ZNF497: variants seen among roughly 807,000 people sequenced by gnomAD.
The protein encoded by ZNF497 is zinc finger protein 497.
For synonymous variants in ZNF497, 422 were observed against 313.7 expected (o/e 1.35, Z -3.65); for missense variants, 930 against 714.0 (o/e 1.30, Z -3.45).
chr19:58,356,188 C>A lies in ZNF497; in HGVS notation c.1448G>T (p.Cys483Phe). The A allele has an allele frequency of 6.3e-7, 1 of 1,593,532 alleles. No homozygotes were observed. Residue 483 changes from cysteine to phenylalanine, a missense_variant, in exon 3 of 3, where the codon TGC (cysteine) becomes TTC (phenylalanine). Transcript: ENST00000311044. ...GECGKPFSHR[C>F]NLNEHQKRHG... is the part of the protein sequence containing the mutation. ...CCGCTTCTGGTGCTCGTTGAGGTTGCAACGGTGGCTGAAAGGCTTCCCGCA... is the reference window on the plus strand; with the variant it reads ...CCGCTTCTGGTGCTCGTTGAGGTTGAAACGGTGGCTGAAAGGCTTCCCGCA...
At chr19:58,360,767 CTTTTTTTTTTT>C (rs551580074) in intron 1 of ZNF497, among the ~76,000 whole-genome samples, 49 of 34,518 alleles carry the variant, frequency 1.4e-3, no homozygotes, top group African/African-American at 3.3e-3. Context: ...GTCCCGAACT[CTTTTTTTTTTT>C]TTTTTTTTTT....
rs754184563 is a variant in ZNF497 at position 58,356,605 on chromosome 19, T to C, written c.1031A>G (p.Tyr344Cys). ...ECGQAFVMGS[Y>C]LAEHRRVHTG... ...GTGCACGCGCCGGTGCTCCGCCAGG[T>C]AGGAGCCCATGACGAAAGCCTGGCC... The change falls in exon 3 of 3, where the codon TAC (tyrosine) becomes TGC (cysteine). Residue 344 changes from tyrosine to cysteine, a missense_variant. Coordinates refer to ENST00000311044, the MANE Select transcript of ZNF497 (RefSeq NM_198458.3). 6.6e-5 allele frequency: 102 copies of C among 1,543,206 alleles called. No homozygotes were observed. Among genetic ancestry groups the C allele is most frequent in the Non-Finnish European group, 8.7e-5 (100 of 1,149,942 alleles).
chr19:58,362,176 C>T (rs560296980), intron 1 of ZNF497, among the ~76,000 whole-genome samples: 7 of 152,334 alleles, frequency 4.6e-5, no homozygotes, highest in Admixed American at 6.5e-5. Context: ...TGTGTCTCCC[C>T]CACAACCCCC....
Position 58,357,669 on chromosome 19 carries a change from G to C in ZNF497, c.-14-20C>G. The C allele has an allele frequency of 3.3e-6, 5 of 1,511,122 alleles. No individual in the cohort carries two copies. The highest frequency in any genetic ancestry group is 3.5e-6 in the Non-Finnish European group (4 of 1,131,674). 93.6% of individuals were successfully genotyped at this position (1,511,122 alleles called of 1,614,324 possible). Reference sequence around the variant, plus strand: ...TGTGACCTAAAACAGGAGAGAAAAGGCAAGTACCTTAGAGAATACAAAGAA... The same window carrying C: ...TGTGACCTAAAACAGGAGAGAAAAGCCAAGTACCTTAGAGAATACAAAGAA... On this transcript the variant is annotated intron_variant, in intron 2 of 2. Coordinates refer to ENST00000311044, the MANE Select transcript of ZNF497 (RefSeq NM_198458.3).
In ZNF497 at chr19:58,356,629, C is replaced by CCGCACTCGG. The variant is rs754067560; in HGVS notation, c.998_1006dup (p.Ala333_Cys335dup). On this transcript the variant is annotated inframe_insertion, in exon 3 of 3. Coordinates refer to ENST00000311044, the MANE Select transcript of ZNF497 (RefSeq NM_198458.3). ...GTAGGAGCCCATGACGAAAGCCTGG[C>CCGCACTCGG]CGCACTCGGCGCACTCGAAGGGCCG... The CCGCACTCGG allele has an allele frequency of 6.5e-7, 1 of 1,545,908 alleles. No individual in the cohort carries two copies. Among genetic ancestry groups the CCGCACTCGG allele is most frequent in the East Asian group, 2.4e-5 (1 of 41,288 alleles).
Position 58,356,256 on chromosome 19 carries a change from G to A in ZNF497, c.1380C>T (p.His460=), listed in dbSNP as rs375183847. The A allele has an allele frequency of 6.2e-6, 10 of 1,605,260 alleles. No individual in the cohort carries two copies. The East Asian group carries it at 9.0e-5, about 14-fold the overall frequency. Residue 460 remains histidine, a synonymous_variant, in exon 3 of 3, where the codon CAC becomes CAT. Coordinates refer to ENST00000311044, the MANE Select transcript of ZNF497 (RefSeq NM_198458.3). ...AFVRKSELLS[H]RRTHTGERPY... is the part of the protein sequence containing the mutation. ...GCCTCTCGCCCGTGTGCGTGCGCCGGTGGCTTAAGAGCTCCGACTTGCGCA... is the reference window on the plus strand; with the variant it reads ...GCCTCTCGCCCGTGTGCGTGCGCCGATGGCTTAAGAGCTCCGACTTGCGCA...
Position 58,356,018 on chromosome 19 carries a change from T to TC in ZNF497, c.*120dup, listed in dbSNP as rs1290984568. 14 of 1,200,266 alleles carry TC rather than the reference T, an allele frequency of 1.2e-5. No individual in the cohort carries two copies. Among genetic ancestry groups the TC allele is most frequent in the Non-Finnish European group, 1.6e-5 (14 of 890,756 alleles). The allele number at this position is 1,200,266 out of a possible 1,614,324, so 74.4% of individuals were successfully genotyped here. On this transcript the variant is annotated 3_prime_UTR_variant, in exon 3 of 3. Coordinates refer to ENST00000311044, the MANE Select transcript of ZNF497 (RefSeq NM_198458.3). ...TCCACACCCAAGGCCGCCCCTGCAC[T>TC]CCCAGCAGGAGGGCGCCCGCACCGG...
intron 2 of ZNF497, chr19:58,358,051 A>G (rs2052048457): frequency 1.6e-6 from 2 of 1,220,130 alleles, no homozygotes; most frequent in East Asian, 5.5e-5. Context: ...GAGGAACACG[A>G]TGGACCCGTC....
At chr19:58,357,845 T>C in intron 2 of ZNF497, 196 bp from the exon 3 acceptor site, 1 of 1,281,492 alleles carries the variant, frequency 7.8e-7, no homozygotes, top group Admixed American at 3.2e-5. Context: ...GGGCCAGCAC[T>C]CTGGGCCTGC....
chr19:58,361,998 G>A (rs1209344400), intron 1 of ZNF497, among the ~76,000 whole-genome samples: 1 of 152,116 alleles, frequency 6.6e-6, no homozygotes, highest in Non-Finnish European at 1.5e-5. Flanking sequence ...GGTCCTTCCT[G>A]TCGGCCTCAC....
rs1402391828 is a variant in ZNF497, at chr19:58,356,598, C to CAGGAAATTGGAGTTCCAGCTGAA, written c.1037_1038insTTCAGCTGGAACTCCAATTTCCT (p.Glu347SerfsTer36). ...CGCCCGTGTGCACGCGCCGGTGCTC[C>CAGGAAATTGGAGTTCCAGCTGAA]GCCAGGTAGGAGCCCATGACGAAAG... On this transcript the variant is annotated frameshift_variant, in exon 3 of 3. Transcript: ENST00000311044. LOFTEE classifies it low-confidence loss of function (END_TRUNC). The CAGGAAATTGGAGTTCCAGCTGAA allele has an allele frequency of 1.3e-6, 2 of 1,545,464 alleles. No homozygotes were observed. The highest frequency in any genetic ancestry group is 2.7e-5 in the African/African-American group (2 of 72,968).
rs1406178228 is a variant in ZNF497, at chr19:58,358,183, C to T, written c.-15+306G>A. On this transcript the variant is annotated intron_variant, in intron 2 of 2. Coordinates refer to ENST00000311044, the MANE Select transcript of ZNF497 (RefSeq NM_198458.3). Reference sequence around the variant, plus strand: ...ACACAGTATGGGCAGCATGTCCAGGCTGGAGGATCTCAGTGGCTGTTACCC... The same window carrying T: ...ACACAGTATGGGCAGCATGTCCAGGTTGGAGGATCTCAGTGGCTGTTACCC... 2.3e-6 allele frequency: 3 copies of T among 1,290,260 alleles called. No homozygotes were observed. The Admixed American group carries it at 6.9e-5, about 30-fold the overall frequency. 79.9% of individuals were successfully genotyped at this position (1,290,260 alleles called of 1,614,324 possible).
rs961033437 is a variant in ZNF497, at chr19:58,358,435, C to T, written c.-15+54G>A. 4.2e-5 allele frequency: 49 copies of T among 1,159,932 alleles called. No individual in the cohort carries two copies. The African/African-American group carries it at 6.6e-4, about 16-fold the overall frequency. The allele number at this position is 1,159,932 out of a possible 1,614,324, so 71.9% of individuals were successfully genotyped here. A position where few individuals can be genotyped will look rare whatever the true frequency, so the allele number is the denominator to read the frequency against. On this transcript the variant is annotated intron_variant, in intron 2 of 2. Coordinates refer to ENST00000311044, the MANE Select transcript of ZNF497 (RefSeq NM_198458.3). ...GAGCACCTTATCATCCTTGTGTAGT[C>T]TCCAGCCCCGCTGCCAAGGCAGGGC...
In ZNF497 at chr19:58,355,546, T is replaced by C. The variant is rs1159563089; in HGVS notation, c.*593A>G. 6.6e-6 allele frequency: 1 copy of C among 152,344 alleles called. No individual in the cohort carries two copies. The allele number at this position is 152,344 out of a possible 1,614,324, so 9.4% of individuals were successfully genotyped here. ...AAAGAAAAGTCCCATGAAACAGACCTACACAGGTGAGATTCTGAGATTGAT... is the reference window on the plus strand; with the variant it reads ...AAAGAAAAGTCCCATGAAACAGACCCACACAGGTGAGATTCTGAGATTGAT... On this transcript the variant is annotated 3_prime_UTR_variant, in exon 3 of 3. Transcript: ENST00000311044.
intron 1 of ZNF497, among the ~76,000 whole-genome samples, chr19:58,360,356 ATTTCTT>A (rs146730359): frequency 0.022 from 3,335 of 151,604 alleles, 106 homozygotes; most frequent in African/African-American, 0.076. Flanking sequence ...GTATGACTCC[ATTTCTT>A]TTTCTTTTTC....
chr19:58,356,044 C>G lies in ZNF497; in HGVS notation c.*95G>C, dbSNP rs1599909353. The G allele has an allele frequency of 7.3e-7, 1 of 1,374,526 alleles. No homozygotes were observed. The allele number at this position is 1,374,526 out of a possible 1,614,324, so 85.1% of individuals were successfully genotyped here. On this transcript the variant is annotated 3_prime_UTR_variant, in exon 3 of 3. Transcript: ENST00000311044. ...CCCAGCAGGAGGGCGCCCGCACCGG[C>G]GGCCCGAAAAAGTCTGGGCCAGCAG...
intron 1 of ZNF497, 33 bp from the exon 2 acceptor site, chr19:58,358,618 G>GTGT (rs1214013285): frequency 9.0e-7 from 1 of 1,114,710 alleles, no homozygotes; most frequent in Admixed American, 3.3e-5. Flanking sequence ...GCAGGGTGAG[G>GTGT]TGTTCAGCCT....
chr19:58,360,647 G>A (rs1022151360), intron 1 of ZNF497, among the ~76,000 whole-genome samples: 38 of 151,946 alleles, frequency 2.5e-4, no homozygotes, highest in African/African-American at 9.2e-4. Context: ...TCCTGCCTCA[G>A]CCTCCCCAGT....
chr19:58,354,955 C>G lies in ZNF497; in HGVS notation c.*1184G>C, dbSNP rs1371808342. ...AAATCTGAGGTCTGCAGAGATGGAG[C>G]TGTCATTCTGTGTTTCCTTTGGCAG... is the stretch of plus-strand genomic sequence containing the variant. On this transcript the variant is annotated 3_prime_UTR_variant, in exon 3 of 3. Transcript: ENST00000311044. The G allele has an allele frequency of 2.0e-5, 3 of 152,342 alleles. No homozygotes were observed. The highest frequency in any genetic ancestry group is 4.4e-5 in the Non-Finnish European group (3 of 68,106). 9.4% of individuals were successfully genotyped at this position (152,342 alleles called of 1,614,324 possible).
Sources: gnomAD v4.1 joint callset for allele counts (sites outside exome capture counted in the v4.1 genomes callset) on GRCh38, gnomAD v4.1.1 for gene constraint, MANE v1.5 for transcripts, NCBI Gene and HGNC (gene_info 2026-07-23, HGNC 2026-07-21) for gene names.